The following GNA15 variants were observed in gnomAD, a reference collection of about 807,000 sequenced individuals.
The protein encoded by GNA15 is guanine nucleotide-binding protein subunit alpha-15.
In GNA15, 23 loss-of-function variants were observed where a neutral mutation model predicts 40.1. The observed-to-expected ratio is 0.57, with a 90% CI of 0.41 to 0.81. The LOEUF is 0.81. Ranked by LOEUF, GNA15 falls within the 40% of genes least tolerant of loss-of-function variation. The pLI, the probability that GNA15 is intolerant of heterozygous loss-of-function variation, is 0.00. For synonymous variants in GNA15, 226 were observed against 210.4 expected (o/e 1.07, Z -0.64); for missense variants, 522 against 515.8 (o/e 1.01, Z -0.12).
At chr19:3,144,763 C>T (rs758888599) in intron 1 of GNA15, among the ~76,000 whole-genome samples, 25 of 151,226 alleles carry the variant, frequency 1.7e-4, no homozygotes, top group Non-Finnish European at 2.8e-4. Flanking sequence ...CTCCTGACCT[C>T]GTGATCCGCC....
intron 1 of GNA15, among the ~76,000 whole-genome samples, chr19:3,141,103 G>A (rs1049232033): frequency 2.2e-5 from 2 of 89,822 alleles, no homozygotes; most frequent in African/African-American, 8.2e-5. Flanking sequence ...GGACCAGGGT[G>A]GGGGTGGGTC....
intron 1 of GNA15, among the ~76,000 whole-genome samples, chr19:3,137,746 C>T (rs1192980439): frequency 6.6e-6 from 1 of 151,936 alleles, no homozygotes; most frequent in Non-Finnish European, 1.5e-5. Flanking sequence ...CATGCCACTG[C>T]ACTCCAGACT....
intron 1 of GNA15, among the ~76,000 whole-genome samples, chr19:3,140,585 G>T (rs1914556180): frequency 6.6e-6 from 1 of 151,854 alleles, no homozygotes; most frequent in East Asian, 1.9e-4. Flanking sequence ...TTTCTTCCTG[G>T]CCCTCACTAT....
At chr19:3,141,150 G>A (rs1015788824) in intron 1 of GNA15, among the ~76,000 whole-genome samples, 3 of 152,194 alleles carry the variant, frequency 2.0e-5, no homozygotes, top group Non-Finnish European at 4.4e-5. Flanking sequence ...ATTGGGGAAG[G>A]GGGAGAGTCA....
intron 4 of GNA15, among the ~76,000 whole-genome samples, chr19:3,152,277 A>ACTTTCCT (rs748465074): frequency 2.6e-4 from 40 of 152,228 alleles, no homozygotes; most frequent in Non-Finnish European, 4.9e-4. Context: ...CAGGAAACTC[A>ACTTTCCT]GAAAAAGGAG....
At chr19:3,142,934 C>T (rs1002249336) in intron 1 of GNA15, 1 of 152,032 alleles carries the variant, frequency 6.6e-6, no homozygotes, top group African/African-American at 2.4e-5. Flanking sequence ...GGTTGGAAGG[C>T]AATTGGGGGA....
chr19:3,155,740 G>A lies in GNA15; in HGVS notation c.615-83G>A. The A allele has an allele frequency of 2.0e-6, 3 of 1,476,386 alleles. No individual in the cohort carries two copies. The highest frequency in any genetic ancestry group is 4.6e-5 in the East Asian group (2 of 43,898). 91.5% of individuals were successfully genotyped at this position (1,476,386 alleles called of 1,614,324 possible). A position where few individuals can be genotyped will look rare whatever the true frequency, so the allele number is the denominator to read the frequency against. On this transcript the variant is annotated intron_variant, in intron 4 of 6. Transcript: ENST00000262958. This position sits in a 1 kb window ranked among gnomAD's most constrained non-coding sequence, Gnocchi z 5.6. ...CTTGCTGTCGCTATTATGGATCTTG[G>A]CATATCCCAGACGTGATGGGGGTTG...
Position 3,155,884 on chromosome 19 carries a change from G to A in GNA15, c.676G>A (p.Val226Met). The change falls in exon 5 of 7, where the codon GTG becomes ATG. Residue 226 changes from valine to methionine, a missense_variant. Transcript: ENST00000262958. The surrounding 1 kb of genome is among the most constrained non-coding windows in gnomAD (Gnocchi z 5.6). ...GAAATGGATCCATTGTTTCGAGAAC[G>A]TGATCGCCCTCATCTACCTGGCCTC... is the stretch of plus-strand genomic sequence containing the variant. ...RKKWIHCFEN[V>M]IALIYLASLS... is the part of the protein sequence containing the mutation. The A allele has an allele frequency of 6.2e-7, 1 of 1,613,906 alleles. No individual in the cohort carries two copies. Among genetic ancestry groups the A allele is most frequent in the Non-Finnish European group, 8.5e-7 (1 of 1,179,862 alleles).
rs59665944 is a variant in GNA15, at chr19:3,147,563, A to G, written c.146-1028A>G. On this transcript the variant is annotated intron_variant, in intron 1 of 6. Coordinates refer to ENST00000262958, the MANE Select transcript of GNA15 (RefSeq NM_002068.4). ...GAATCTGTCTAAAAAAAAAGAAAAA[A>G]AGAAAAAAGAAAAAAACCCATAAGA... Among the ~76,000 whole-genome samples the G allele has an allele frequency of 2.0e-3, 185 of 94,654 alleles. 1 individual carries two copies. In the Middle Eastern group the frequency reaches 0.02, roughly 10 times the overall value. 62.1% of individuals were successfully genotyped at this position (94,654 alleles called of 152,430 possible).
At position 3,136,500 on chromosome 19, in the gene GNA15, A is replaced by T. The variant is rs755254026; in HGVS notation, c.50A>T (p.Asp17Val). ...WRCCPWCLTE[D>V]EKAAARVDQE... Reference sequence around the variant, plus strand: ...TGCTGCCCCTGGTGCCTGACGGAGGATGAGAAGGCCGCCGCCCGGGTGGAC... The same window carrying T: ...TGCTGCCCCTGGTGCCTGACGGAGGTTGAGAAGGCCGCCGCCCGGGTGGAC... The change falls in exon 1 of 7, where the codon GAT becomes GTT. Residue 17 changes from aspartate to valine, a missense_variant. Transcript: ENST00000262958. This position sits in a 1 kb window ranked among gnomAD's most constrained non-coding sequence, Gnocchi z 4.9. 1 of 1,559,372 alleles carries T rather than the reference A, an allele frequency of 6.4e-7. No individual in the cohort carries two copies.
At chr19:3,145,595 G>A in intron 1 of GNA15, among the ~76,000 whole-genome samples, 1 of 124,862 alleles carries the variant, frequency 8.0e-6, no homozygotes, top group Non-Finnish European at 1.6e-5. Context: ...TGTCACCCAG[G>A]CTGGAGTGTA....
At chr19:3,139,180 A>G (rs145429773) in intron 1 of GNA15, among the ~76,000 whole-genome samples, 4,600 of 147,814 alleles carry the variant, frequency 0.031, 155 homozygotes, top group East Asian at 0.18. Context: ...CCCTGACCTC[A>G]GGTGATCCTA....
rs867641298 is a variant in GNA15, at chr19:3,155,188, C to G, written c.615-635C>G. 2 of 152,428 alleles carry G rather than the reference C, an allele frequency of 1.3e-5. No individual in the cohort carries two copies. Among genetic ancestry groups the G allele is most frequent in the Non-Finnish European group, 2.9e-5 (2 of 68,246 alleles). 9.4% of individuals were successfully genotyped at this position (152,428 alleles called of 1,614,324 possible). A position where few individuals can be genotyped will look rare whatever the true frequency, so the allele number is the denominator to read the frequency against. ...TCCCTTCTTGCTTGAGGCCCTGGGC[C>G]GGGCCCGTCCAAAGCCTCTGTTCTG... is the stretch of plus-strand genomic sequence containing the variant. On this transcript the variant is annotated intron_variant, in intron 4 of 6. Coordinates refer to ENST00000262958, the MANE Select transcript of GNA15 (RefSeq NM_002068.4). This position sits in a 1 kb window ranked among gnomAD's most constrained non-coding sequence, Gnocchi z 5.6.
In GNA15 at chr19:3,148,780, G is replaced by C; in HGVS notation, c.330+5G>C. ...TTCAGCAGGCCCGAGAGCAAGGTGA[G>C]CCGCCAGGGCAGGCAGGGGCCCAGG... On this transcript the variant is annotated splice_donor_5th_base_variant and intron_variant, in intron 2 of 6. Coordinates refer to ENST00000262958, the MANE Select transcript of GNA15 (RefSeq NM_002068.4). The C allele has an allele frequency of 1.9e-6, 3 of 1,590,326 alleles. No homozygotes were observed. Among genetic ancestry groups the C allele is most frequent in the Non-Finnish European group, 1.7e-6 (2 of 1,168,228 alleles).
intron 6 of GNA15, among the ~76,000 whole-genome samples, chr19:3,159,560 G>C (rs1021260688): frequency 1.3e-5 from 2 of 150,748 alleles, no homozygotes; most frequent in African/African-American, 4.9e-5. Flanking sequence ...GGTCAGGCTG[G>C]ACTTGAACTC....
At chr19:3,148,099 T>G (rs572203341) in intron 1 of GNA15, among the ~76,000 whole-genome samples, 2 of 151,832 alleles carry the variant, frequency 1.3e-5, no homozygotes, top group East Asian at 1.9e-4. Flanking sequence ...TTTGTTTTGT[T>G]TTTTTTTGAG....
intron 1 of GNA15, among the ~76,000 whole-genome samples, chr19:3,145,082 T>A (rs1914679644): frequency 6.6e-6 from 1 of 151,968 alleles, no homozygotes; most frequent in Non-Finnish European, 1.5e-5. Flanking sequence ...CTCGAACTCC[T>A]GACCTGGTGA....
At chr19:3,138,415 G>T (rs796074680) in intron 1 of GNA15, among the ~76,000 whole-genome samples, 3 of 152,328 alleles carry the variant, frequency 2.0e-5, no homozygotes, top group African/African-American at 7.2e-5. Flanking sequence ...CGAGCTCTGG[G>T]TTGGGGGCTG....
Position 3,157,589 on chromosome 19 carries a change from GC to G in GNA15, c.745-138del, listed in dbSNP as rs546074374. ...GGCAGCTGTCCATATGGAAACACGG[GC>G]ACACCCGCCTCAGCCCCAGCCAGGC... On this transcript the variant is annotated intron_variant, in intron 5 of 6. Transcript: ENST00000262958. The G allele has an allele frequency of 7.2e-4, 498 of 690,612 alleles. 2 individuals carry two copies. In the African/African-American group the frequency reaches 8.0e-3, roughly 11 times the overall value. The allele number at this position is 690,612 out of a possible 1,614,324, so 42.8% of individuals were successfully genotyped here.
Sources: allele counts gnomAD v4.1 joint callset (sites outside exome capture counted in the v4.1 genomes callset), GRCh38; gene constraint gnomAD v4.1.1; non-coding constraint Gnocchi (gnomAD v3.1); transcripts MANE v1.5; gene names NCBI Gene and HGNC (gene_info 2026-07-23, HGNC 2026-07-21).